Variants in MEGF6 observed in about 807,000 individuals in gnomAD.
The protein encoded by MEGF6 is multiple epidermal growth factor-like domains protein 6.
MEGF6 carries 184 observed loss-of-function variants against 207.1 expected under a neutral mutation model. The observed-to-expected ratio is 0.89, with a 90% CI of 0.79 to 1.00. MEGF6 has a LOEUF of 1.00. MEGF6 is among the 50% of genes least tolerant of loss of function. MEGF6 has a pLI of 0.00. For synonymous variants in MEGF6, 1,038 were observed against 910.0 expected (o/e 1.14, Z -2.53); for missense variants, 2,282 against 2,202.9 (o/e 1.04, Z -0.72).
chr1:3,605,830 G>A (rs1570249368), intron 1 of MEGF6, among the ~76,000 whole-genome samples: 2 of 152,362 alleles, frequency 1.3e-5, no homozygotes, highest in Middle Eastern at 6.8e-3. Flanking sequence ...AGGCACTGGG[G>A]TGTGGCCCTC....
At chr1:3,590,901 G>A (rs760506911) in intron 3 of MEGF6, among the ~76,000 whole-genome samples, 2 of 147,436 alleles carry the variant, frequency 1.4e-5, no homozygotes, top group African/African-American at 4.9e-5. Context: ...CACAGGGGCC[G>A]TGCACCCCAC....
At chr1:3,551,006 G>T (rs187633941) in intron 4 of MEGF6, among the ~76,000 whole-genome samples, 1 of 152,240 alleles carries the variant, frequency 6.6e-6, no homozygotes, top group Non-Finnish European at 1.5e-5. Context: ...TTGGGGCCTC[G>T]GAGTGTGAGG....
In MEGF6 at chr1:3,560,580, G is replaced by T. The variant is rs1303794664; in HGVS notation, c.481+19245C>A. 2 of 360,706 alleles carry T rather than the reference G, an allele frequency of 5.5e-6. No individual in the cohort carries two copies. The highest frequency in any genetic ancestry group is 1.2e-5 in the Non-Finnish European group (2 of 173,462). 22.3% of individuals were successfully genotyped at this position (360,706 alleles called of 1,614,324 possible). ...AGCAACTTGCATTGAGGGGCTGAGA[G>T]GCCCCCCTGTTCTCCAAGAGAAACG... On this transcript the variant is annotated intron_variant, in intron 4 of 36. Coordinates refer to ENST00000356575, the MANE Select transcript of MEGF6 (RefSeq NM_001409.4). This position sits in a 1 kb window ranked among gnomAD's most constrained non-coding sequence, Gnocchi z 4.0.
At chr1:3,508,976 T>C in intron 12 of MEGF6, 99 bp downstream of exon 12, 1 of 1,340,156 alleles carries the variant, frequency 7.5e-7, no homozygotes. Context: ...GGGTCCTTCC[T>C]CACGTCCCCA....
chr1:3,500,322 G>A (rs757244838), intron 21 of MEGF6, among the ~76,000 whole-genome samples: 6 of 152,250 alleles, frequency 3.9e-5, no homozygotes, highest in African/African-American at 1.2e-4. Context: ...CTCCTGCTGC[G>A]GCTCCAAGTG....
chr1:3,494,483 G>C lies in MEGF6; in HGVS notation c.4017C>G (p.Arg1339=), dbSNP rs754128511. Residue 1339 remains arginine, a synonymous_variant, in exon 32 of 37, where the codon CGC becomes CGG. Transcript: ENST00000356575. ...RHCELACPPG[R]YGAACHLECS... is the part of the protein sequence containing the mutation. ...ACTCCAGATGGCAGGCGGCTCCGTAGCGCCCAGGGGGACAGGCTGGGGACA... is the reference window on the plus strand; with the variant it reads ...ACTCCAGATGGCAGGCGGCTCCGTACCGCCCAGGGGGACAGGCTGGGGACA... The C allele has an allele frequency of 5.7e-6, 9 of 1,588,574 alleles. No homozygotes were observed. In the Admixed American group the frequency reaches 1.4e-4, roughly 25 times the overall value.
At chr1:3,588,957 G>A (rs1643936288) in intron 3 of MEGF6, among the ~76,000 whole-genome samples, 2 of 152,150 alleles carry the variant, frequency 1.3e-5, no homozygotes, top group African/African-American at 4.8e-5. Flanking sequence ...CTGTGGTGGG[G>A]TGGAAATCCT....
intron 4 of MEGF6, among the ~76,000 whole-genome samples, chr1:3,579,283 A>G (rs1643733664): frequency 6.6e-6 from 1 of 152,198 alleles, no homozygotes; most frequent in Non-Finnish European, 1.5e-5. Flanking sequence ...CCGTCACCCC[A>G]GTAGCTTGCT....
At chr1:3,620,062 T>TC in the MEGF6 span, among the ~76,000 whole-genome samples, 55,172 of 152,046 alleles carry the variant, frequency 0.36, 11,409 homozygotes, top group Non-Finnish European at 0.46. Context: ...GAGCATTTTG[T>TC]CCCTGCCCTA....
At chr1:3,575,579 C>T (rs80117507) in intron 4 of MEGF6, among the ~76,000 whole-genome samples, 4 of 152,140 alleles carry the variant, frequency 2.6e-5, no homozygotes, top group Non-Finnish European at 5.9e-5. Context: ...TACAGTTCCA[C>T]GTGGCTGGGG....
chr1:3,497,676 A>G, intron 26 of MEGF6: 1 of 528,064 alleles, frequency 1.9e-6, no homozygotes, highest in Non-Finnish European at 3.5e-6. Flanking sequence ...GCCCCGCCCC[A>G]TGGAAGGCGA....
chr1:3,579,654 G>A (rs1643743290), intron 4 of MEGF6, among the ~76,000 whole-genome samples, 171 bp downstream of exon 4: 2 of 152,264 alleles, frequency 1.3e-5, no homozygotes, highest in African/African-American at 4.8e-5. Flanking sequence ...CCCTCAGAGG[G>A]GCTGCAGGGA....
chr1:3,553,381 C>G (rs902875933), intron 4 of MEGF6, among the ~76,000 whole-genome samples: 3 of 152,062 alleles, frequency 2.0e-5, no homozygotes, highest in Non-Finnish European at 4.4e-5. Context: ...CAGGAACAGG[C>G]GGGACGGGGA....
chr1:3,509,618 G>A (rs995804910), intron 11 of MEGF6, among the ~76,000 whole-genome samples: 25 of 152,152 alleles, frequency 1.6e-4, no homozygotes, highest in South Asian at 8.3e-4. Context: ...GCTGGGCTCC[G>A]GGAGGATGCC....
At chr1:3,491,667 T>TTTGCCCCGCCCACATGTC (rs1553188294) in intron 35 of MEGF6, among the ~76,000 whole-genome samples, 1 of 151,702 alleles carries the variant, frequency 6.6e-6, no homozygotes. Context: ...GCGCCCGGCC[T>TTTGCCCCGCCCACATGTC]TTGCCCCGCC....
At chr1:3,602,296 CACCCTG>C (rs902499506) in intron 2 of MEGF6, among the ~76,000 whole-genome samples, 164 bp downstream of exon 2, 1 of 152,228 alleles carries the variant, frequency 6.6e-6, no homozygotes, top group Non-Finnish European at 1.5e-5. Context: ...ATGGCAGACC[CACCCTG>C]AGGGTGGGAG....
intron 7 of MEGF6, among the ~76,000 whole-genome samples, chr1:3,512,349 G>A (rs1322247462): frequency 6.6e-6 from 1 of 152,260 alleles, no homozygotes; most frequent in Non-Finnish European, 1.5e-5. Flanking sequence ...CACTAAGCCT[G>A]TTGCATGACC....
At chr1:3,501,773 C>A in intron 18 of MEGF6, 23 bp downstream of exon 18, 1 of 1,608,516 alleles carries the variant, frequency 6.2e-7, no homozygotes, top group East Asian at 2.2e-5. Context: ...GGAGGCGGAA[C>A]TGGGGCTGCG....
At chr1:3,584,684 G>A (rs977281324) in intron 3 of MEGF6, among the ~76,000 whole-genome samples, 1 of 152,228 alleles carries the variant, frequency 6.6e-6, no homozygotes, top group African/African-American at 2.4e-5. Flanking sequence ...ACCTCCAGGG[G>A]ACAGGGACGG....
Sources: gnomAD v4.1 joint callset for allele counts (sites outside exome capture counted in the v4.1 genomes callset) on GRCh38, gnomAD v4.1.1 for gene constraint, Gnocchi (gnomAD v3.1) non-coding constraint, MANE v1.5 for transcripts, NCBI Gene and HGNC (gene_info 2026-07-23, HGNC 2026-07-21) for gene names.